The following AFG1L variants were observed in gnomAD, a reference collection of about 807,000 sequenced individuals.
AFG1L encodes the protein AFG1-like ATPase.
AFG1L carries 53 observed loss-of-function variants against 62.2 expected under a neutral mutation model. The ratio of observed to expected loss-of-function variants is 0.85; its 90% CI spans 0.68 to 1.07. The LOEUF (loss-of-function observed/expected upper bound fraction) is 1.07, where lower values mean the gene tolerates loss of function less well. Ranked by LOEUF, AFG1L falls within the 50% of genes least tolerant of loss-of-function variation. AFG1L has a pLI of 0.00. For missense variants in AFG1L, 555 were observed against 590.5 expected, an observed-to-expected ratio of 0.94 and a Z score of 0.62; for synonymous variants, 228 against 210.3, an observed-to-expected ratio of 1.08 and a Z score of -0.73.
At chr6:108,389,585 T>C (rs1780951949) in intron 6 of AFG1L, among the ~76,000 whole-genome samples, 1 of 152,112 alleles carries the variant, frequency 6.6e-6, no homozygotes, top group African/African-American at 2.4e-5. Context: ...GGTGACAAAA[T>C]CTCTCAGCAT....
chr6:108,310,386 C>T (rs948126293), intron 1 of AFG1L, among the ~76,000 whole-genome samples: 22 of 152,092 alleles, frequency 1.4e-4, no homozygotes, highest in Admixed American at 2.0e-4. Context: ...AGTATCATTT[C>T]ATGTGTTTAT....
intron 10 of AFG1L, among the ~76,000 whole-genome samples, chr6:108,481,129 TGCCATG>T (rs1773308571): frequency 6.6e-6 from 1 of 152,192 alleles, no homozygotes; most frequent in Non-Finnish European, 1.5e-5. Flanking sequence ...TTTCTCTTCC[TGCCATG>T]ACAAAGGTTG....
At chr6:108,485,657 T>TATATATATATATATATATATATATATATA (rs869070532) in intron 10 of AFG1L, among the ~76,000 whole-genome samples, 1 of 12,628 alleles carries the variant, frequency 7.9e-5, no homozygotes, top group Admixed American at 1.7e-3. Flanking sequence ...TATATATATA[T>TATATATATATATATATATATATATATATA]TTTTTTTTTT....
intron 7 of AFG1L, among the ~76,000 whole-genome samples, chr6:108,404,861 G>T (rs1316116740): frequency 6.6e-6 from 1 of 151,998 alleles, no homozygotes. Context: ...CTGAGTAGCT[G>T]GGACTACAAG....
chr6:108,334,894 G>C (rs533483612), intron 2 of AFG1L, among the ~76,000 whole-genome samples: 88 of 152,240 alleles, frequency 5.8e-4, no homozygotes, highest in African/African-American at 2.0e-3. Context: ...TTGTCTCTGG[G>C]TCTTTGCTAA....
At chr6:108,325,290 T>C (rs576051670) in intron 2 of AFG1L, among the ~76,000 whole-genome samples, 1 of 152,268 alleles carries the variant, frequency 6.6e-6, no homozygotes, top group South Asian at 2.1e-4. Flanking sequence ...TCAATTTATA[T>C]TCAATCCTCA....
chr6:108,385,683 A>G (rs1036666910), intron 6 of AFG1L, among the ~76,000 whole-genome samples: 5 of 152,160 alleles, frequency 3.3e-5, no homozygotes, highest in African/African-American at 4.8e-5. Flanking sequence ...GGTCTCCACA[A>G]GCGAGCTGGT....
chr6:108,462,514 T>G lies in AFG1L; in HGVS notation c.891-14351T>G, dbSNP rs536898023. 2.6e-5 allele frequency among the ~76,000 whole-genome samples: 4 copies of G among 152,340 alleles called. No homozygotes were observed. In the East Asian group the frequency reaches 7.7e-4, roughly 29 times the overall value. On this transcript the variant is annotated intron_variant, in intron 8 of 12. Coordinates refer to ENST00000368977, the MANE Select transcript of AFG1L (RefSeq NM_145315.5). ...AATCTTGCATTAACTCAAAAACTAC[T>G]GAACTAGAAATTAATTTCACTATTT...
intron 6 of AFG1L, 48 bp from the exon 7 acceptor site, chr6:108,401,948 A>T (rs41287536): frequency 0.073 from 59,609 of 817,848 alleles, 3,309 homozygotes; most frequent in African/African-American, 0.2. Context: ...ATAAATTAAC[A>T]TCATGATTTA....
chr6:108,522,204 G>T (rs1303663538), intron 12 of AFG1L, 93 bp from the exon 13 acceptor site: 2 of 1,156,130 alleles, frequency 1.7e-6, no homozygotes, highest in East Asian at 2.4e-5. Context: ...AATCTAAACC[G>T]GTAAGCCTAA....
intron 7 of AFG1L, among the ~76,000 whole-genome samples, chr6:108,438,096 T>C (rs1216129149): frequency 6.6e-6 from 1 of 152,228 alleles, no homozygotes; most frequent in Non-Finnish European, 1.5e-5. Context: ...CTTTTTTGAA[T>C]CTTGCAATTA....
intron 1 of AFG1L, 55 bp from the exon 2 acceptor site, chr6:108,323,770 G>T: frequency 7.8e-7 from 1 of 1,282,616 alleles, no homozygotes; most frequent in South Asian, 1.2e-5. Context: ...GAAATGTGTA[G>T]AGCACTGTGA....
intron 10 of AFG1L, among the ~76,000 whole-genome samples, chr6:108,490,852 T>C (rs1370799547): frequency 6.6e-6 from 1 of 152,206 alleles, no homozygotes; most frequent in African/African-American, 2.4e-5. Flanking sequence ...ACCCACCTTC[T>C]CTAAGAATAT....
intron 7 of AFG1L, among the ~76,000 whole-genome samples, chr6:108,412,665 A>C (rs1368948053): frequency 6.6e-6 from 1 of 152,206 alleles, no homozygotes; most frequent in Non-Finnish European, 1.5e-5. Context: ...CAGCCAAACT[A>C]AGCTTCATAA....
intron 8 of AFG1L, among the ~76,000 whole-genome samples, chr6:108,459,850 G>A (rs1772384911): frequency 6.6e-6 from 1 of 152,134 alleles, no homozygotes; most frequent in South Asian, 2.1e-4. Context: ...AATGGAATAT[G>A]TTCAATAACA....
At chr6:108,472,770 C>A (rs1772949838) in intron 8 of AFG1L, among the ~76,000 whole-genome samples, 1 of 149,588 alleles carries the variant, frequency 6.7e-6, no homozygotes, top group Non-Finnish European at 1.5e-5. Context: ...CCCTTCCTTC[C>A]TTCCTCCCTC....
chr6:108,516,046 A>T, intron 11 of AFG1L, among the ~76,000 whole-genome samples: 1 of 152,214 alleles, frequency 6.6e-6, no homozygotes, highest in Non-Finnish European at 1.5e-5. Flanking sequence ...GACCAGATGG[A>T]TTCACAGCCG....
chr6:108,454,881 C>T (rs1291551144), intron 8 of AFG1L, among the ~76,000 whole-genome samples: 4 of 151,978 alleles, frequency 2.6e-5, no homozygotes, highest in African/African-American at 4.8e-5. Flanking sequence ...TCAAGCAGTC[C>T]GCCTGCCTCG....
intron 1 of AFG1L, among the ~76,000 whole-genome samples, chr6:108,310,286 C>T (rs1482117286): frequency 1.6e-4 from 24 of 152,146 alleles, no homozygotes; most frequent in Admixed American, 1.6e-3. Context: ...TAGTTATTGT[C>T]TGTCTTTCTT....
Sources: allele counts gnomAD v4.1 joint callset (sites outside exome capture counted in the v4.1 genomes callset), GRCh38; gene constraint gnomAD v4.1.1; transcripts MANE v1.5; gene names NCBI Gene and HGNC (gene_info 2026-07-23, HGNC 2026-07-21).